The following KIF6 variants were observed in gnomAD, a reference collection of about 807,000 sequenced individuals.
The protein encoded by KIF6 is kinesin-like protein KIF6.
Under a neutral mutation model 112.7 loss-of-function variants are expected in KIF6, and 106 were observed. That is an observed-to-expected ratio of 0.94 (90% CI 0.80 to 1.11). KIF6 has a LOEUF of 1.11. KIF6 is among the 50% of genes least tolerant of loss of function. KIF6 has a pLI of 0.00. For missense variants in KIF6, 929 were observed against 964.0 expected, an observed-to-expected ratio of 0.96 and a Z score of 0.48; for synonymous variants, 339 against 339.9, an observed-to-expected ratio of 1.00 and a Z score of 0.03.
intron 10 of KIF6, among the ~76,000 whole-genome samples, chr6:39,548,868 G>C (rs866880571): frequency 1.3e-5 from 2 of 152,152 alleles, no homozygotes; most frequent in African/African-American, 4.8e-5. Context: ...AAGTCAACAA[G>C]AGCTTTCCTT....
At chr6:39,521,144 T>C (rs1252258188) in intron 13 of KIF6, among the ~76,000 whole-genome samples, 1 of 152,238 alleles carries the variant, frequency 6.6e-6, no homozygotes, top group East Asian at 1.9e-4. Context: ...TGTTACTCAG[T>C]GTAATTATTG....
chr6:39,438,407 T>C (rs762307219), intron 13 of KIF6, among the ~76,000 whole-genome samples: 1 of 152,200 alleles, frequency 6.6e-6, no homozygotes, highest in Non-Finnish European at 1.5e-5. Context: ...GAGAGCTCCA[T>C]GTGTGTTACT....
intron 9 of KIF6, among the ~76,000 whole-genome samples, chr6:39,584,239 C>G (rs1781470971): frequency 6.6e-6 from 1 of 151,200 alleles, no homozygotes; most frequent in African/African-American, 2.4e-5. Flanking sequence ...CTAGGCAACT[C>G]AGTGAAACCC....
At position 39,583,674 on chromosome 6, in the gene KIF6, C is replaced by CTTTTTTTTTT. The variant is rs564229262; in HGVS notation, c.1077+1214_1077+1223dup. Among the ~76,000 whole-genome samples, 15 of 71,706 alleles carry CTTTTTTTTTT rather than the reference C, an allele frequency of 2.1e-4. 3 individuals are homozygous for CTTTTTTTTTT. Among genetic ancestry groups the CTTTTTTTTTT allele is most frequent in the Admixed American group, 3.1e-4 (2 of 6,452 alleles). The allele number at this position is 71,706 out of a possible 152,430, so 47.0% of individuals were successfully genotyped here. A position where few individuals can be genotyped will look rare whatever the true frequency, so the allele number is the denominator to read the frequency against. On this transcript the variant is annotated intron_variant, in intron 9 of 22. Transcript: ENST00000287152. ...AAACACTGTTGGTAGGATTTCACTT[C>CTTTTTTTTTT]TTTTTTTTTTTTTTTTTTTTTTTTT...
intron 6 of KIF6, among the ~76,000 whole-genome samples, chr6:39,598,577 ATGTG>A (rs70984133): frequency 1.2e-3 from 172 of 147,938 alleles, no homozygotes; most frequent in African/African-American, 3.5e-3. Flanking sequence ...ATACATATAT[ATGTG>A]TGTGTGTGTG....
At chr6:39,619,491 TTAATG>T (rs1255527289) in intron 5 of KIF6, among the ~76,000 whole-genome samples, 1 of 152,116 alleles carries the variant, frequency 6.6e-6, no homozygotes, top group African/African-American at 2.4e-5. Flanking sequence ...ATAAAGTCAT[TTAATG>T]TAATGTAACC....
At chr6:39,466,272 ACC>A (rs1167984765) in intron 13 of KIF6, among the ~76,000 whole-genome samples, 1 of 151,970 alleles carries the variant, frequency 6.6e-6, no homozygotes, top group Non-Finnish European at 1.5e-5. Context: ...TCCTTCAAAC[ACC>A]GGCTGCCAGG....
chr6:39,399,460 C>A (rs1321066071), intron 15 of KIF6, among the ~76,000 whole-genome samples: 6 of 152,154 alleles, frequency 3.9e-5, no homozygotes, highest in Admixed American at 2.0e-4. Context: ...GCCAATGGCA[C>A]CCCCATTGAG....
chr6:39,341,798 C>T (rs1029324779), intron 22 of KIF6, among the ~76,000 whole-genome samples: 2 of 152,164 alleles, frequency 1.3e-5, no homozygotes, highest in African/African-American at 4.8e-5. Flanking sequence ...TGCCCTGACT[C>T]TCCTCTTTCT....
chr6:39,475,510 T>C (rs1442841742), intron 13 of KIF6, among the ~76,000 whole-genome samples: 1 of 152,206 alleles, frequency 6.6e-6, no homozygotes, highest in Non-Finnish European at 1.5e-5. Context: ...CTGACAATAT[T>C]TGTTAGGATT....
intron 10 of KIF6, among the ~76,000 whole-genome samples, chr6:39,552,330 T>C (rs9689280): frequency 0.03 from 4,539 of 152,314 alleles, 236 homozygotes; most frequent in African/African-American, 0.1. Context: ...GTCCCAGTTA[T>C]TTTATTATTA....
At chr6:39,492,688 G>A (rs1192327704) in intron 13 of KIF6, among the ~76,000 whole-genome samples, 3 of 152,082 alleles carry the variant, frequency 2.0e-5, no homozygotes, top group Non-Finnish European at 4.4e-5. Context: ...TCTAAGTTTG[G>A]TACTAGGCTC....
chr6:39,600,963 T>C (rs1338649980), intron 6 of KIF6, among the ~76,000 whole-genome samples: 1 of 152,184 alleles, frequency 6.6e-6, no homozygotes, highest in Non-Finnish European at 1.5e-5. Flanking sequence ...GGGAGTTATA[T>C]TAAATACCAA....
At chr6:39,678,858 A>T (rs1787329172) in intron 3 of KIF6, among the ~76,000 whole-genome samples, 1 of 152,224 alleles carries the variant, frequency 6.6e-6, no homozygotes, top group African/African-American at 2.4e-5. Flanking sequence ...TTTACAATAG[A>T]ACATTTTGGA....
rs546134349 is a variant in KIF6, at chr6:39,487,784, A to G, written c.1645+52219T>C. Among the ~76,000 whole-genome samples, 10 of 152,330 alleles carry G rather than the reference A, an allele frequency of 6.6e-5. No homozygotes were observed. In the South Asian group the frequency reaches 1.9e-3, roughly 28 times the overall value. ...GACAATCTGAGATGTGATTATTTCT[A>G]TCTTAAATGTCAGACTTCTAAAAAT... On this transcript the variant is annotated intron_variant, in intron 13 of 22. Coordinates refer to ENST00000287152, the MANE Select transcript of KIF6 (RefSeq NM_145027.6).
chr6:39,707,845 G>T (rs545426152), intron 3 of KIF6, among the ~76,000 whole-genome samples: 2 of 152,270 alleles, frequency 1.3e-5, no homozygotes, highest in African/African-American at 4.8e-5. Context: ...CCCTTTCTCA[G>T]AAGGGATAAC....
intron 16 of KIF6, among the ~76,000 whole-genome samples, chr6:39,365,640 G>C (rs1379701516): frequency 2.0e-5 from 3 of 152,198 alleles, no homozygotes; most frequent in African/African-American, 4.8e-5. Flanking sequence ...TTTTTAAAAA[G>C]TTTCAGAAAT....
At chr6:39,382,130 T>G (rs1378927133) in intron 16 of KIF6, among the ~76,000 whole-genome samples, 13 of 152,060 alleles carry the variant, frequency 8.5e-5, no homozygotes, top group Non-Finnish European at 1.5e-4. Flanking sequence ...TAGAGTTGAG[T>G]GGTATTTTTC....
intron 7 of KIF6, among the ~76,000 whole-genome samples, chr6:39,595,375 C>G (rs1374017550): frequency 6.6e-6 from 1 of 152,178 alleles, no homozygotes; most frequent in East Asian, 1.9e-4. Context: ...GCTGGGTAAT[C>G]TTGTGGGAAG....
Sources: gnomAD v4.1 joint callset for allele counts (sites outside exome capture counted in the v4.1 genomes callset) on GRCh38, gnomAD v4.1.1 for gene constraint, MANE v1.5 for transcripts, NCBI Gene and HGNC (gene_info 2026-07-23, HGNC 2026-07-21) for gene names.